C3orf33: variants seen among roughly 807,000 people sequenced by gnomAD.
C3orf33 encodes the protein mitochondrial inner membrane subdomain organizer 1, also known as AP-1 activity suppressor.
Under a neutral mutation model 28.7 loss-of-function variants are expected in C3orf33, and 23 were observed. That is an observed-to-expected ratio of 0.80 (90% CI 0.58 to 1.13). C3orf33 has a LOEUF of 1.13. Ranked by LOEUF, C3orf33 falls within the 50% of genes most tolerant of loss-of-function variation. The pLI is 0.00. For missense variants in C3orf33, 327 were observed against 353.4 expected (o/e 0.93, Z 0.60); for synonymous variants, 119 against 120.5 (o/e 0.99, Z 0.08).
chr3:155,772,762 T>A (rs1473567610), intron 3 of C3orf33, among the ~76,000 whole-genome samples: 2 of 136,754 alleles, frequency 1.5e-5, no homozygotes, highest in Admixed American at 1.6e-4. Flanking sequence ...GTTCATAAAA[T>A]TTTTAGGCTC....
In C3orf33 at chr3:155,786,052, AAAGGAAAGGAAAAAGGG is replaced by A. The variant is rs553002835; in HGVS notation, c.175-10221_175-10205del. On this transcript the variant is annotated intron_variant, in intron 2 of 4. Transcript: ENST00000340171. ...AAAAGGGAAAGGAAAGGAAAAAGGA[AAAGGAAAGGAAAAAGGG>A]AAGGAAAGGAAAAAGGGAAGGAAAG... Among the ~76,000 whole-genome samples the A allele has an allele frequency of 5.0e-3, 726 of 145,652 alleles. 4 individuals carry two copies. The highest frequency in any genetic ancestry group is 0.016 in the South Asian group (74 of 4,754).
At chr3:155,799,346 T>C (rs147219581) in intron 2 of C3orf33, among the ~76,000 whole-genome samples, 89 of 152,256 alleles carry the variant, frequency 5.8e-4, no homozygotes, top group African/African-American at 2.0e-3. Flanking sequence ...CTATTCACAA[T>C]AGCCATGATT....
intron 2 of C3orf33, among the ~76,000 whole-genome samples, chr3:155,783,186 G>C (rs898560725): frequency 1.3e-5 from 2 of 148,234 alleles, no homozygotes; most frequent in African/African-American, 2.5e-5. Context: ...ATGGAGTCTC[G>C]TTCTGTCACC....
At chr3:155,787,997 C>T (rs1284116102) in intron 2 of C3orf33, among the ~76,000 whole-genome samples, 2 of 151,758 alleles carry the variant, frequency 1.3e-5, no homozygotes, top group Non-Finnish European at 2.9e-5. Context: ...CAAGACCATC[C>T]TGGTTAACAC....
intron 2 of C3orf33, among the ~76,000 whole-genome samples, chr3:155,795,988 C>T (rs1751465648): frequency 6.6e-6 from 1 of 151,914 alleles, no homozygotes; most frequent in Non-Finnish European, 1.5e-5. Flanking sequence ...GAAAACACAA[C>T]ATATCAACAC....
chr3:155,777,451 T>C (rs1487894920), intron 2 of C3orf33, among the ~76,000 whole-genome samples: 1 of 152,140 alleles, frequency 6.6e-6, no homozygotes, highest in Non-Finnish European at 1.5e-5. Flanking sequence ...ACAGATCTTT[T>C]TTTTTTTTAG....
intron 2 of C3orf33, among the ~76,000 whole-genome samples, chr3:155,800,857 G>A (rs111995583): frequency 0.099 from 15,092 of 151,920 alleles, 990 homozygotes; most frequent in Middle Eastern, 0.16. Flanking sequence ...TTAGAAAAAT[G>A]CAAATCAAAA....
intron 3 of C3orf33, among the ~76,000 whole-genome samples, chr3:155,770,219 C>T (rs1215097726): frequency 6.6e-6 from 1 of 152,196 alleles, no homozygotes; most frequent in Non-Finnish European, 1.5e-5. Context: ...CCTCATTCTT[C>T]TTGGATGTGG....
intron 2 of C3orf33, among the ~76,000 whole-genome samples, chr3:155,780,733 T>G (rs1750892451): frequency 6.6e-6 from 1 of 152,058 alleles, no homozygotes; most frequent in Non-Finnish European, 1.5e-5. Flanking sequence ...CCCTGCATCC[T>G]TTCCAGGTAG....
intron 2 of C3orf33, among the ~76,000 whole-genome samples, chr3:155,788,899 TCA>T (rs1187888754): frequency 6.6e-6 from 1 of 152,180 alleles, no homozygotes; most frequent in African/African-American, 2.4e-5. Flanking sequence ...ATACCTCTGT[TCA>T]CAGATTATAC....
At chr3:155,772,489 T>C (rs1287031234) in intron 3 of C3orf33, among the ~76,000 whole-genome samples, 1 of 151,998 alleles carries the variant, frequency 6.6e-6, no homozygotes, top group Non-Finnish European at 1.5e-5. Context: ...ATCTACAAAA[T>C]ACTATCAGTG....
In C3orf33 at chr3:155,770,962, C is replaced by CTCTG. The variant is rs36183026; in HGVS notation, c.323-3294_323-3293insCAGA. On this transcript the variant is annotated intron_variant, in intron 3 of 4. Coordinates refer to ENST00000340171, the MANE Select transcript of C3orf33 (RefSeq NM_001308229.2). ...GTGCTGGGATTACAGGCATGAACCA[C>CTCTG]TGTGTGTGTGTGTGTGTGTGTGTGT... Among the ~76,000 whole-genome samples the CTCTG allele has an allele frequency of 2.4e-3, 309 of 129,994 alleles. 3 individuals carry two copies. Among genetic ancestry groups the CTCTG allele is most frequent in the African/African-American group, 8.4e-3 (281 of 33,394 alleles). 85.3% of individuals were successfully genotyped at this position (129,994 alleles called of 152,430 possible).
At chr3:155,791,956 T>G (rs1751328350) in intron 2 of C3orf33, among the ~76,000 whole-genome samples, 1 of 151,742 alleles carries the variant, frequency 6.6e-6, no homozygotes, top group Non-Finnish European at 1.5e-5. Flanking sequence ...ACCTACTGAT[T>G]CTGGAGCCCT....
intron 1 of C3orf33, 126 bp downstream of exon 1, chr3:155,806,013 T>C (rs1173233657): frequency 3.3e-6 from 2 of 614,190 alleles, no homozygotes; most frequent in South Asian, 3.4e-5. Flanking sequence ...CTCGAGCTCA[T>C]TCCCCCGCAG....
intron 2 of C3orf33, among the ~76,000 whole-genome samples, chr3:155,782,212 G>GA (rs990412551): frequency 7.3e-5 from 10 of 137,740 alleles, no homozygotes; most frequent in Admixed American, 2.2e-4. Flanking sequence ...GGAACAGAAA[G>GA]AAAAAAAAAG....
chr3:155,763,780 C>T lies in C3orf33; in HGVS notation c.622G>A (p.Ala208Thr). Residue 208 changes from alanine (A) to threonine (T), a missense_variant, in exon 5 of 5, where the codon GCC becomes ACC. Ala to Thr is a moderately conservative substitution (Grantham distance 58, BLOSUM62 0). Transcript: ENST00000340171. ...CATATTCCTTCTCCTTTTTTTAAGG[C>T]TGTTAATTCAGCTTTAAGTAAGTTT... ...HRNLLKAELTALKKGEGIWKE... is the reference protein window; with the variant it reads ...HRNLLKAELTTLKKGEGIWKE... 2.5e-6 allele frequency: 4 copies of T among 1,605,464 alleles called. No individual in the cohort carries two copies. The highest frequency in any genetic ancestry group is 2.5e-6 in the Non-Finnish European group (3 of 1,177,122).
At chr3:155,767,268 A>T (rs1348754448) in intron 4 of C3orf33, among the ~76,000 whole-genome samples, 2 of 152,028 alleles carry the variant, frequency 1.3e-5, no homozygotes, top group East Asian at 3.9e-4. Context: ...ATAATAATAA[A>T]TAATAATTTG....
intron 2 of C3orf33, among the ~76,000 whole-genome samples, chr3:155,780,259 TGAA>T (rs1314510035): frequency 6.6e-6 from 1 of 152,100 alleles, no homozygotes; most frequent in Non-Finnish European, 1.5e-5. Flanking sequence ...CTTCAGACGG[TGAA>T]GAAGATGTCC....
At chr3:155,799,934 G>A (rs1237043149) in intron 2 of C3orf33, among the ~76,000 whole-genome samples, 1 of 152,102 alleles carries the variant, frequency 6.6e-6, no homozygotes, top group African/African-American at 2.4e-5. Flanking sequence ...AGCTGGGGAT[G>A]AGCAAGAAGT....
Sources: gnomAD v4.1 joint callset for allele counts (sites outside exome capture counted in the v4.1 genomes callset) on GRCh38, gnomAD v4.1.1 for gene constraint, MANE v1.5 for transcripts, NCBI Gene and HGNC (gene_info 2026-07-23, HGNC 2026-07-21) for gene names.